The following DGKH variants were observed in gnomAD, a reference collection of about 807,000 sequenced individuals.
DGKH encodes the protein diacylglycerol kinase eta.
Under a neutral mutation model 159.3 loss-of-function variants are expected in DGKH, and 90 were observed. That is an observed-to-expected ratio of 0.57 (90% CI 0.48 to 0.67). The LOEUF is 0.67. Among genes scored for constraint, DGKH ranks in the 30% least tolerant of loss-of-function variants. The probability of loss-of-function intolerance (pLI) is 0.00; values close to 1 mark genes in which losing one functional copy is unlikely to be tolerated. For missense variants in DGKH, 1,181 were observed against 1,506.1 expected (o/e 0.78, Z 3.57); for synonymous variants, 536 against 553.8 (o/e 0.97, Z 0.45).
intron 29 of DGKH, among the ~76,000 whole-genome samples, chr13:42,227,441 T>G (rs1236230511): frequency 1.3e-5 from 2 of 152,212 alleles, no homozygotes; most frequent in African/African-American, 4.8e-5. Context: ...TTTAAATATA[T>G]TTTGTAGTTG....
intron 17 of DGKH, among the ~76,000 whole-genome samples, chr13:42,196,795 A>T (rs905906468): frequency 6.6e-6 from 1 of 152,268 alleles, no homozygotes; most frequent in Non-Finnish European, 1.5e-5. Flanking sequence ...CAGTTGTATC[A>T]GAATAGAAAT....
intron 1 of DGKH, among the ~76,000 whole-genome samples, chr13:42,114,476 G>A (rs1391005144): frequency 3.9e-5 from 6 of 152,190 alleles, no homozygotes; most frequent in Admixed American, 3.9e-4. Flanking sequence ...CAGGGCTCCA[G>A]TGATGACTGA....
At chr13:42,181,681 C>G (rs1367102579) in intron 13 of DGKH, 1 of 423,388 alleles carries the variant, frequency 2.4e-6, no homozygotes, top group Non-Finnish European at 4.7e-6. Context: ...CCACCCCATT[C>G]CCATGATAGT....
chr13:42,081,233 A>AT (rs113809956), intron 1 of DGKH, among the ~76,000 whole-genome samples: 45 of 147,542 alleles, frequency 3.0e-4, no homozygotes, highest in African/African-American at 7.7e-4. Context: ...TTTCTCTCCT[A>AT]TTTTTTTTTT....
At chr13:42,131,220 A>G (rs1350882594) in intron 3 of DGKH, among the ~76,000 whole-genome samples, 2 of 152,232 alleles carry the variant, frequency 1.3e-5, no homozygotes, top group African/African-American at 4.8e-5. Context: ...AGAGATAGCT[A>G]GTAAAATGTT....
intron 23 of DGKH, among the ~76,000 whole-genome samples, chr13:42,210,039 AG>A (rs995580006): frequency 2.9e-5 from 4 of 139,614 alleles, no homozygotes; most frequent in African/African-American, 1.1e-4. Context: ...TTCCTTTTGC[AG>A]AATATGTTTT....
At chr13:42,242,995 G>A (rs9533045), downstream of DGKH, 64,969 of 152,086 alleles carry the variant, frequency 0.43, 14,300 homozygotes, top group African/African-American at 0.54. Flanking sequence ...AAAAAATAAT[G>A]CAGAGAGAGC....
chr13:42,085,588 C>T (rs2137731031), intron 1 of DGKH, among the ~76,000 whole-genome samples: 1 of 152,018 alleles, frequency 6.6e-6, no homozygotes, highest in South Asian at 2.1e-4. Flanking sequence ...GCAGAGTAAG[C>T]CTATTATGTG....
intron 26 of DGKH, among the ~76,000 whole-genome samples, chr13:42,218,787 G>A (rs573707846): frequency 6.6e-6 from 1 of 152,214 alleles, no homozygotes; most frequent in South Asian, 2.1e-4. Flanking sequence ...GGGATTATGG[G>A]CATGAGCTAT....
intron 20 of DGKH, among the ~76,000 whole-genome samples, chr13:42,201,249 C>T: frequency 6.6e-6 from 1 of 152,186 alleles, no homozygotes; most frequent in Non-Finnish European, 1.5e-5. Context: ...CCTCGGCCTT[C>T]CAAAGTGCTG....
rs1957664755 is a variant in DGKH, at chr13:42,211,788, G to A, written c.3014+1023G>A. On this transcript the variant is annotated intron_variant, in intron 24 of 29. Transcript: ENST00000337343. ...AATCATGGCAGCAGGCAAAGGAGGA[G>A]CAAAGGCACGTCTTACATGGCAGTA... 1.3e-5 allele frequency among the ~76,000 whole-genome samples: 2 copies of A among 152,302 alleles called. 1 individual carries two copies. The highest frequency in any genetic ancestry group is 6.8e-3 in the Middle Eastern group (2 of 294).
At chr13:42,059,099 TATAAA>T (rs1881958970) in intron 1 of DGKH, among the ~76,000 whole-genome samples, 1 of 152,232 alleles carries the variant, frequency 6.6e-6, no homozygotes, top group Admixed American at 6.5e-5. Flanking sequence ...ATTAAATAAA[TATAAA>T]ATATGTTTTT....
chr13:42,172,756 C>T (rs1956495113), intron 11 of DGKH, among the ~76,000 whole-genome samples: 2 of 152,112 alleles, frequency 1.3e-5, no homozygotes, highest in South Asian at 4.1e-4. Flanking sequence ...TCACTGCAAC[C>T]TCTGCCTCGC....
intron 29 of DGKH, among the ~76,000 whole-genome samples, chr13:42,248,969 A>G (rs9533050): frequency 0.035 from 5,366 of 152,358 alleles, 132 homozygotes; most frequent in Non-Finnish European, 0.055. Flanking sequence ...ATACACACAC[A>G]TATATACATG....
intron 1 of DGKH, among the ~76,000 whole-genome samples, chr13:42,119,687 A>G (rs1955030519): frequency 6.6e-6 from 1 of 152,234 alleles, no homozygotes; most frequent in Non-Finnish European, 1.5e-5. Context: ...AAATTTTATA[A>G]CAAAAATTTT....
intron 1 of DGKH, among the ~76,000 whole-genome samples, chr13:42,063,268 AGACACACCT>A (rs1882312159): frequency 6.6e-6 from 1 of 152,108 alleles, no homozygotes; most frequent in Admixed American, 6.5e-5. Context: ...TTTGAGGAAG[AGACACACCT>A]GACACATTCC....
intron 13 of DGKH, among the ~76,000 whole-genome samples, chr13:42,182,933 T>TTTATTTGTTCAAA (rs1956813088): frequency 6.6e-6 from 1 of 151,996 alleles, no homozygotes; most frequent in African/African-American, 2.4e-5. Flanking sequence ...CCACACACAC[T>TTTATTTGTTCAAA]TTATTTGTTC....
chr13:42,247,719 ATGATCC>A (rs1337663293), downstream of DGKH, among the ~76,000 whole-genome samples: 2 of 152,236 alleles, frequency 1.3e-5, no homozygotes. Flanking sequence ...AGTGATACTG[ATGATCC>A]TGAAACTGTG....
At chr13:42,192,587 T>TCCTC (rs1566176999) in intron 16 of DGKH, among the ~76,000 whole-genome samples, 42 of 112,068 alleles carry the variant, frequency 3.7e-4, no homozygotes, top group East Asian at 3.5e-3. Context: ...TCTTCTTCTT[T>TCCTC]TTCCTCTTCC....
Sources: allele counts gnomAD v4.1 joint callset (sites outside exome capture counted in the v4.1 genomes callset), GRCh38; gene constraint gnomAD v4.1.1; transcripts MANE v1.5; gene names NCBI Gene and HGNC (gene_info 2026-07-23, HGNC 2026-07-21).